Variants in SGCZ observed in about 807,000 individuals in gnomAD.
The protein encoded by SGCZ is zeta-sarcoglycan.
SGCZ carries 40 observed loss-of-function variants against 41.3 expected under a neutral mutation model. The observed-to-expected ratio is 0.97, with a 90% CI of 0.75 to 1.26. The LOEUF (loss-of-function observed/expected upper bound fraction) is 1.26. Among genes scored for constraint, SGCZ ranks in the 50% most tolerant of loss-of-function variants. The pLI is 0.00. For synonymous variants in SGCZ, 206 were observed against 137.5 expected (o/e 1.50, Z -3.49); for missense variants, 552 against 369.8 (o/e 1.49, Z -4.04).
intron 1 of SGCZ, among the ~76,000 whole-genome samples, chr8:15,155,831 G>A (rs955606460): frequency 3.9e-5 from 6 of 152,146 alleles, no homozygotes; most frequent in Non-Finnish European, 8.8e-5. Context: ...TCTGAGGCAG[G>A]TGGACTGCCT....
At chr8:14,352,684 G>C (rs1329124843) in intron 2 of SGCZ, among the ~76,000 whole-genome samples, 1 of 151,990 alleles carries the variant, frequency 6.6e-6, no homozygotes, top group Non-Finnish European at 1.5e-5. Context: ...TAAAACCCTA[G>C]AAACTTTCTT....
chr8:14,838,818 C>CAA (rs528634322), intron 1 of SGCZ, among the ~76,000 whole-genome samples: 67 of 152,092 alleles, frequency 4.4e-4, no homozygotes, highest in Non-Finnish European at 9.1e-4. Flanking sequence ...CATAAAAGAA[C>CAA]ACAAAACAGT....
chr8:14,410,619 G>C (rs1799334239), intron 2 of SGCZ, among the ~76,000 whole-genome samples: 1 of 151,906 alleles, frequency 6.6e-6, no homozygotes, highest in Non-Finnish European at 1.5e-5. Flanking sequence ...TGGGGTGGTG[G>C]ACAAGGGGAG....
At chr8:14,340,690 C>T (rs1802672097) in intron 2 of SGCZ, among the ~76,000 whole-genome samples, 1 of 152,140 alleles carries the variant, frequency 6.6e-6, no homozygotes, top group South Asian at 2.1e-4. Flanking sequence ...CAGACTAATG[C>T]ATCCACTGAT....
chr8:14,441,785 C>T lies in SGCZ; in HGVS notation c.234+112947G>A, dbSNP rs140538918. ...TCATTTTGCTTAACTCAAGTGGTGA[C>T]TTTCTCCTTTAACTTTTTTGTCAGT... is the stretch of plus-strand genomic sequence containing the variant. On this transcript the variant is annotated intron_variant, in intron 2 of 7. Coordinates refer to ENST00000382080, the MANE Select transcript of SGCZ (RefSeq NM_139167.4). Among the ~76,000 whole-genome samples the T allele has an allele frequency of 1.2e-3, 185 of 152,228 alleles. 1 individual carries two copies. The highest frequency in any genetic ancestry group is 3.3e-3 in the African/African-American group (139 of 41,546).
chr8:15,006,301 G>T (rs903580306), intron 1 of SGCZ, among the ~76,000 whole-genome samples: 2 of 152,180 alleles, frequency 1.3e-5, no homozygotes, highest in African/African-American at 4.8e-5. Context: ...TTCATTTGCA[G>T]TAATTCAGAA....
rs1799130058 is a variant in SGCZ at position 14,403,375 on chromosome 8, A to G, written c.235-79171T>C. ...GCATCCCTGTCTTGTGCCACTTTTC[A>G]AAGGGAATGCTTCCAGTTTTTGCCC... On this transcript the variant is annotated intron_variant, in intron 2 of 7. Transcript: ENST00000382080. 1.3e-5 allele frequency among the ~76,000 whole-genome samples: 2 copies of G among 151,150 alleles called. 1 individual carries two copies. Among genetic ancestry groups the G allele is most frequent in the African/African-American group, 4.9e-5 (2 of 40,462 alleles).
chr8:15,072,843 A>G (rs1396237728), intron 1 of SGCZ, among the ~76,000 whole-genome samples: 2 of 152,206 alleles, frequency 1.3e-5, no homozygotes, highest in African/African-American at 4.8e-5. Context: ...CCCCAAATGC[A>G]AAACTGATTT....
intron 1 of SGCZ, among the ~76,000 whole-genome samples, chr8:14,601,415 A>G (rs1171466451): frequency 1.3e-5 from 2 of 152,202 alleles, no homozygotes; most frequent in East Asian, 3.9e-4. Context: ...AAAATACAAT[A>G]AATGGAAGAA....
chr8:14,601,265 T>G (rs1805581174), intron 1 of SGCZ, among the ~76,000 whole-genome samples: 1 of 152,080 alleles, frequency 6.6e-6, no homozygotes, highest in South Asian at 2.1e-4. Context: ...AGGTAGCTTG[T>G]TTTTATTTCT....
rs147537883 is a variant in SGCZ, at chr8:14,609,466, CTTAA to C, written c.40-54544_40-54541del. On this transcript the variant is annotated intron_variant, in intron 1 of 7. Coordinates refer to ENST00000382080, the MANE Select transcript of SGCZ (RefSeq NM_139167.4). ...GTAATATAATTTCTTGAAAAAAAGT[CTTAA>C]TTAAATTAGACCTTCTGGCATGATG... 2.0e-5 allele frequency among the ~76,000 whole-genome samples: 3 copies of C among 152,150 alleles called. No individual in the cohort carries two copies. The East Asian group carries it at 5.8e-4, about 29-fold the overall frequency.
At chr8:14,192,912 T>C (rs1805149356) in intron 4 of SGCZ, among the ~76,000 whole-genome samples, 1 of 152,104 alleles carries the variant, frequency 6.6e-6, no homozygotes, top group African/African-American at 2.4e-5. Flanking sequence ...TATATGTTTA[T>C]GATTGGTGTA....
intron 1 of SGCZ, among the ~76,000 whole-genome samples, chr8:14,878,589 G>A (rs892571326): frequency 6.6e-6 from 1 of 152,106 alleles, no homozygotes; most frequent in Non-Finnish European, 1.5e-5. Flanking sequence ...AAATGATGCA[G>A]CACTGTTAAG....
At chr8:14,405,547 G>A (rs1198478851) in intron 2 of SGCZ, among the ~76,000 whole-genome samples, 1 of 152,022 alleles carries the variant, frequency 6.6e-6, no homozygotes, top group Admixed American at 6.6e-5. Context: ...ATTTAATATA[G>A]CCTTATGCCA....
chr8:15,007,624 T>C (rs1195992081), intron 1 of SGCZ, among the ~76,000 whole-genome samples: 1 of 152,222 alleles, frequency 6.6e-6, no homozygotes, highest in Non-Finnish European at 1.5e-5. Flanking sequence ...GTTCTTGAAA[T>C]TAGCTGTAAT....
Position 14,613,860 on chromosome 8 carries a change from GT to G in SGCZ, c.40-58935del, listed in dbSNP as rs1240831211. ...AACCAATTCACATTATCTACATGCT[GT>G]CAATTGAGGTTATCAAAACCAGTAA... On this transcript the variant is annotated intron_variant, in intron 1 of 7. Transcript: ENST00000382080. Among the ~76,000 whole-genome samples, 3 of 152,132 alleles carry G rather than the reference GT, an allele frequency of 2.0e-5. No homozygotes were observed. The East Asian group carries it at 5.8e-4, about 29-fold the overall frequency.
chr8:14,943,879 C>T (rs961039769), intron 1 of SGCZ, among the ~76,000 whole-genome samples: 3 of 152,128 alleles, frequency 2.0e-5, no homozygotes, highest in Non-Finnish European at 2.9e-5. Flanking sequence ...TGACCTCTAG[C>T]TCTAACCATG....
At chr8:14,873,566 A>G (rs902739056) in intron 1 of SGCZ, among the ~76,000 whole-genome samples, 3 of 152,086 alleles carry the variant, frequency 2.0e-5, no homozygotes, top group East Asian at 3.9e-4. Flanking sequence ...TTACATGACT[A>G]TGCATTTTCA....
Position 15,153,747 on chromosome 8 carries a change from C to T in SGCZ, c.39+83838G>A, listed in dbSNP as rs536888367. On this transcript the variant is annotated intron_variant, in intron 1 of 7. Coordinates refer to ENST00000382080, the MANE Select transcript of SGCZ (RefSeq NM_139167.4). ...TTCCGCGAGGAAAAGTTTCTCCAAG[C>T]CTCCTCAGAAGCAGAGGCTGGCACC... Among the ~76,000 whole-genome samples the T allele has an allele frequency of 4.6e-5, 7 of 152,278 alleles. No individual in the cohort carries two copies. In the East Asian group the frequency reaches 1.4e-3, roughly 29 times the overall value.
Sources: allele counts gnomAD v4.1 joint callset (sites outside exome capture counted in the v4.1 genomes callset), GRCh38; gene constraint gnomAD v4.1.1; transcripts MANE v1.5; gene names NCBI Gene and HGNC (gene_info 2026-07-23, HGNC 2026-07-21).